UBE2E2: variants seen among roughly 807,000 people sequenced by gnomAD.
UBE2E2 encodes ubiquitin-conjugating enzyme E2 E2.
UBE2E2 carries 6 observed loss-of-function variants against 24.7 expected under a neutral mutation model. The ratio of observed to expected loss-of-function variants is 0.24; its 90% confidence interval spans 0.13 to 0.48. The LOEUF (loss-of-function observed/expected upper bound fraction) is 0.48. Ranked by LOEUF, UBE2E2 falls within the 20% of genes least tolerant of loss-of-function variation. The pLI, the probability that UBE2E2 is intolerant of heterozygous loss-of-function variation, is 0.99. For synonymous variants in UBE2E2, 104 were observed against 83.6 expected, an observed-to-expected ratio of 1.24 and a Z score of -1.33; for missense variants, 169 against 245.0, an observed-to-expected ratio of 0.69 and a Z score of 2.07.
In UBE2E2 at chr3:23,538,603, T is replaced by A. The variant is rs1013893772; in HGVS notation, c.508+5902T>A. 2.6e-5 allele frequency among the ~76,000 whole-genome samples: 4 copies of A among 152,268 alleles called. No homozygotes were observed. The South Asian group carries it at 8.3e-4, about 32-fold the overall frequency. Reference sequence around the variant, plus strand: ...CCCCTTCCCTCCCCTAAGTTTCCCATAGGCTTACTCAGATGCATTTGAAAA... The same window carrying A: ...CCCCTTCCCTCCCCTAAGTTTCCCAAAGGCTTACTCAGATGCATTTGAAAA... On this transcript the variant is annotated intron_variant, in intron 5 of 5. Transcript: ENST00000396703.
At chr3:23,393,302 G>C (rs1306912594) in intron 3 of UBE2E2, among the ~76,000 whole-genome samples, 1 of 152,190 alleles carries the variant, frequency 6.6e-6, no homozygotes, top group Non-Finnish European at 1.5e-5. Flanking sequence ...GTATCAGATA[G>C]ATGACAAATA....
At chr3:23,382,521 G>A (rs1053097391) in intron 3 of UBE2E2, among the ~76,000 whole-genome samples, 1 of 152,026 alleles carries the variant, frequency 6.6e-6, no homozygotes, top group African/African-American at 2.4e-5. Context: ...CTATATGAGC[G>A]TATTAATGGC....
intron 3 of UBE2E2, among the ~76,000 whole-genome samples, chr3:23,499,083 T>C (rs879656526): frequency 6.6e-6 from 1 of 152,214 alleles, no homozygotes; most frequent in Non-Finnish European, 1.5e-5. Flanking sequence ...ATGATACATC[T>C]TATCCTCTAC....
chr3:23,493,847 T>G (rs57427415), intron 3 of UBE2E2, among the ~76,000 whole-genome samples: 4,569 of 152,306 alleles, frequency 0.03, 112 homozygotes, highest in East Asian at 0.13. Context: ...GCAGTCAACC[T>G]CTTTGAGTGT....
intron 5 of UBE2E2, among the ~76,000 whole-genome samples, chr3:23,537,106 G>A (rs1405776766): frequency 1.3e-5 from 2 of 152,156 alleles, no homozygotes; most frequent in Non-Finnish European, 2.9e-5. Flanking sequence ...TCTGTAAGTG[G>A]TACGTGATTT....
At chr3:23,430,565 G>T (rs1026782047) in intron 3 of UBE2E2, among the ~76,000 whole-genome samples, 1 of 151,920 alleles carries the variant, frequency 6.6e-6, no homozygotes, top group Non-Finnish European at 1.5e-5. Flanking sequence ...GTCTCACTCT[G>T]TCACCCAGAC....
At chr3:23,281,782 T>C (rs1301259797) in intron 3 of UBE2E2, among the ~76,000 whole-genome samples, 1 of 152,244 alleles carries the variant, frequency 6.6e-6, no homozygotes, top group Non-Finnish European at 1.5e-5. Context: ...CGCAGTAATA[T>C]TAGAAATCTA....
At chr3:23,267,309 A>G (rs1470531443) in intron 3 of UBE2E2, among the ~76,000 whole-genome samples, 1 of 152,110 alleles carries the variant, frequency 6.6e-6, no homozygotes, top group Non-Finnish European at 1.5e-5. Flanking sequence ...GACCGCTAGC[A>G]AGACTAATAA....
intron 3 of UBE2E2, among the ~76,000 whole-genome samples, chr3:23,290,125 T>C (rs1428200441): frequency 6.6e-6 from 1 of 152,240 alleles, no homozygotes; most frequent in Non-Finnish European, 1.5e-5. Context: ...TGTATGTATA[T>C]GTCTACACAC....
rs1468550198 is a variant in UBE2E2, at chr3:23,280,359, A to G, written c.227+63047A>G. ...TCTTTGGGAAACAAATGTTGCACAT[A>G]TGGCATCATCTTTCTTCCTCCTACA... On this transcript the variant is annotated intron_variant, in intron 3 of 5. Transcript: ENST00000396703. The surrounding 1 kb of genome is among the most constrained non-coding windows in gnomAD (Gnocchi z 4.3). Among the ~76,000 whole-genome samples, 1 of 152,216 alleles carries G rather than the reference A, an allele frequency of 6.6e-6. No individual in the cohort carries two copies. The highest frequency in any genetic ancestry group is 1.5e-5 in the Non-Finnish European group (1 of 68,030).
chr3:23,442,730 C>G (rs1698334525), intron 3 of UBE2E2, among the ~76,000 whole-genome samples: 1 of 152,060 alleles, frequency 6.6e-6, no homozygotes, highest in Non-Finnish European at 1.5e-5. Context: ...CCAGATCATC[C>G]TTTCCTCAGT....
chr3:23,290,678 A>G (rs2125246880), intron 3 of UBE2E2, among the ~76,000 whole-genome samples: 1 of 152,146 alleles, frequency 6.6e-6, no homozygotes, highest in African/African-American at 2.4e-5. Flanking sequence ...TTAAAACCTC[A>G]GATAAACTAT....
chr3:23,440,432 C>A (rs1698280318), intron 3 of UBE2E2, among the ~76,000 whole-genome samples: 1 of 152,154 alleles, frequency 6.6e-6, no homozygotes, highest in South Asian at 2.1e-4. Context: ...ATATAGATAT[C>A]TAATAAGATG....
At chr3:23,540,066 T>C (rs1341434889) in intron 5 of UBE2E2, among the ~76,000 whole-genome samples, 1 of 152,102 alleles carries the variant, frequency 6.6e-6, no homozygotes, top group Admixed American at 6.5e-5. Context: ...GTTTATTATT[T>C]ATTTATTTAT....
rs75145097 is a variant in UBE2E2, at chr3:23,549,716, G to A, written c.508+17015G>A. On this transcript the variant is annotated intron_variant, in intron 5 of 5. Coordinates refer to ENST00000396703, the MANE Select transcript of UBE2E2 (RefSeq NM_152653.4). ...CCATATTAGCTGTGTTAGGTGTGATGACCTCGCCTTTGAGATGTCTAAAAA... is the reference window on the plus strand; with the variant it reads ...CCATATTAGCTGTGTTAGGTGTGATAACCTCGCCTTTGAGATGTCTAAAAA... Among the ~76,000 whole-genome samples, 451 of 152,154 alleles carry A rather than the reference G, an allele frequency of 3.0e-3. 1 individual carries two copies. The highest frequency in any genetic ancestry group is 4.5e-3 in the Non-Finnish European group (309 of 68,000).
chr3:23,522,235 G>A (rs530438134), intron 4 of UBE2E2, among the ~76,000 whole-genome samples: 9 of 149,088 alleles, frequency 6.0e-5, no homozygotes, highest in South Asian at 2.1e-4. Flanking sequence ...GGTTCGCGCC[G>A]TTCTCCTGCC....
intron 3 of UBE2E2, among the ~76,000 whole-genome samples, chr3:23,219,013 C>T (rs1280583235): frequency 1.3e-5 from 2 of 152,126 alleles, no homozygotes; most frequent in African/African-American, 4.8e-5. Context: ...AGAAGTCACA[C>T]ATAATAAGCC....
intron 3 of UBE2E2, among the ~76,000 whole-genome samples, chr3:23,291,652 T>C (rs1433311225): frequency 6.6e-6 from 1 of 151,544 alleles, no homozygotes; most frequent in Non-Finnish European, 1.5e-5. Flanking sequence ...AATCAGGTTT[T>C]TGTATTTATT....
intron 3 of UBE2E2, among the ~76,000 whole-genome samples, chr3:23,327,173 C>A (rs1256514762): frequency 6.6e-6 from 1 of 152,080 alleles, no homozygotes; most frequent in African/African-American, 2.4e-5. Context: ...ATTTATAATC[C>A]TTTGGATATA....
Sources: gnomAD v4.1 joint callset for allele counts (sites outside exome capture counted in the v4.1 genomes callset) on GRCh38, gnomAD v4.1.1 for gene constraint, Gnocchi (gnomAD v3.1) non-coding constraint, MANE v1.5 for transcripts, NCBI Gene and HGNC (gene_info 2026-07-23, HGNC 2026-07-21) for gene names.